RORA: variants seen among roughly 807,000 people sequenced by gnomAD.
RORA encodes nuclear receptor ROR-alpha.
Under a neutral mutation model 69.5 loss-of-function variants are expected in RORA, and 7 were observed. The observed-to-expected ratio is 0.10, with a 90% CI of 0.06 to 0.19. RORA has a LOEUF of 0.19. Ranked by LOEUF, RORA falls within the 10% of genes least tolerant of loss-of-function variation. RORA has a pLI of 1.00. For synonymous variants in RORA, 261 were observed against 240.8 expected, an observed-to-expected ratio of 1.08 and a Z score of -0.78; for missense variants, 457 against 663.0, an observed-to-expected ratio of 0.69 and a Z score of 3.41.
chr15:60,948,653 A>T (rs1184412576), intron 1 of RORA, among the ~76,000 whole-genome samples: 4 of 152,244 alleles, frequency 2.6e-5, no homozygotes, highest in Non-Finnish European at 5.9e-5. Context: ...TGAGGCTTAG[A>T]CAAGTTATGT....
chr15:60,521,076 T>C (rs903799734), intron 3 of RORA, among the ~76,000 whole-genome samples: 1 of 152,136 alleles, frequency 6.6e-6, no homozygotes, highest in Non-Finnish European at 1.5e-5. Flanking sequence ...AGTTGACATA[T>C]AGGTGATGCA....
At chr15:60,568,098 T>A (rs992530131) in intron 2 of RORA, among the ~76,000 whole-genome samples, 1 of 152,080 alleles carries the variant, frequency 6.6e-6, no homozygotes, top group Non-Finnish European at 1.5e-5. Flanking sequence ...TCCCTGGGGG[T>A]CAAAAGTGCC....
intron 1 of RORA, among the ~76,000 whole-genome samples, chr15:61,075,797 T>C (rs1163724093): frequency 1.3e-5 from 2 of 152,188 alleles, no homozygotes; most frequent in Non-Finnish European, 2.9e-5. Context: ...CAAGAATTAG[T>C]GCCCTTCCCT....
chr15:61,226,124 T>G lies in RORA; in HGVS notation c.166+2929A>C, dbSNP rs570628045. On this transcript the variant is annotated intron_variant, in intron 1 of 10. Transcript: ENST00000335670. The surrounding 1 kb of genome is among the most constrained non-coding windows in gnomAD (Gnocchi z 4.2). ...GGAGGAATTCAACAGTAGCCTCAAG[T>G]CTACCTAGGTAATGTCTCATGAGGT... is the stretch of plus-strand genomic sequence containing the variant. Among the ~76,000 whole-genome samples, 7 of 152,304 alleles carry G rather than the reference T, an allele frequency of 4.6e-5. No homozygotes were observed. In the East Asian group the frequency reaches 1.4e-3, roughly 29 times the overall value.
chr15:60,858,692 T>TACACAC (rs3053884), intron 1 of RORA, among the ~76,000 whole-genome samples: 35,913 of 142,656 alleles, frequency 0.25, 4,598 homozygotes, highest in African/African-American at 0.27. Flanking sequence ...AGAAAGAAAA[T>TACACAC]ACACACACAC....
In RORA at chr15:60,998,500, C is replaced by T. The variant is rs536884687; in HGVS notation, c.166+230553G>A. 7.2e-5 allele frequency among the ~76,000 whole-genome samples: 11 copies of T among 152,068 alleles called. No individual in the cohort carries two copies. The South Asian group carries it at 2.1e-3, about 29-fold the overall frequency. Reference sequence around the variant, plus strand: ...GCAACTTCTGCATCCCAGGTTCAAGCAATTCTCCTGCCTCAGCCTCCCAAG... The same window carrying T: ...GCAACTTCTGCATCCCAGGTTCAAGTAATTCTCCTGCCTCAGCCTCCCAAG... On this transcript the variant is annotated intron_variant, in intron 1 of 10. Coordinates refer to ENST00000335670, the MANE Select transcript of RORA (RefSeq NM_134261.3).
chr15:60,820,981 A>G (rs1275679723), intron 1 of RORA, among the ~76,000 whole-genome samples: 1 of 126,442 alleles, frequency 7.9e-6, no homozygotes, highest in African/African-American at 3.1e-5. Flanking sequence ...CAGCTCTGCA[A>G]TTCTATGCTT....
At chr15:60,678,481 T>C in intron 2 of RORA, 176 bp downstream of exon 2, 1 of 611,038 alleles carries the variant, frequency 1.6e-6, no homozygotes, top group Non-Finnish European at 2.9e-6. Flanking sequence ...ACACACTCAG[T>C]ACAAACAGGT....
At chr15:61,210,613 A>T (rs1209989964) in intron 1 of RORA, among the ~76,000 whole-genome samples, 2 of 152,224 alleles carry the variant, frequency 1.3e-5, no homozygotes, top group South Asian at 4.1e-4. Flanking sequence ...AAGTATGTCA[A>T]GGTGGGCTAA....
intron 1 of RORA, among the ~76,000 whole-genome samples, chr15:61,170,494 G>A (rs997876044): frequency 6.6e-6 from 1 of 152,140 alleles, no homozygotes; most frequent in Non-Finnish European, 1.5e-5. Flanking sequence ...GTTAATCCAG[G>A]ATCATCTCCC....
rs570003961 is a variant in RORA, at chr15:61,227,584, G to T, written c.166+1469C>A. ...CAGGGGGTGTGGCTAAGGTGGGGGGGGGGATACTGTAAAACAGCCAGCACA... is the reference window on the plus strand; with the variant it reads ...CAGGGGGTGTGGCTAAGGTGGGGGGTGGGATACTGTAAAACAGCCAGCACA... On this transcript the variant is annotated intron_variant, in intron 1 of 10. Coordinates refer to ENST00000335670, the MANE Select transcript of RORA (RefSeq NM_134261.3). Among the ~76,000 whole-genome samples the T allele has an allele frequency of 2.0e-5, 3 of 152,204 alleles. No individual in the cohort carries two copies. In the East Asian group the frequency reaches 5.8e-4, roughly 29 times the overall value.
intron 1 of RORA, among the ~76,000 whole-genome samples, chr15:60,703,793 T>C (rs1196531091): frequency 1.3e-5 from 2 of 151,892 alleles, no homozygotes; most frequent in Non-Finnish European, 2.9e-5. Flanking sequence ...GAGCAATATA[T>C]TGCCAGATAC....
chr15:60,580,709 C>T (rs2068167719), intron 2 of RORA, among the ~76,000 whole-genome samples: 1 of 152,196 alleles, frequency 6.6e-6, no homozygotes, highest in Non-Finnish European at 1.5e-5. Flanking sequence ...TCTGGGAGCT[C>T]CCCCTGAGGA....
rs2080146080 is a variant in RORA, at chr15:61,226,477, TA to T, written c.166+2575del. On this transcript the variant is annotated intron_variant, in intron 1 of 10. Coordinates refer to ENST00000335670, the MANE Select transcript of RORA (RefSeq NM_134261.3). The surrounding 1 kb of genome is among the most constrained non-coding windows in gnomAD (Gnocchi z 4.2). ...TGCCAGCTCCAATTTTCTTACTGCT[TA>T]CACTCTGGGAGCCGGCTTGCATATT... is the stretch of plus-strand genomic sequence containing the variant. 6.6e-6 allele frequency among the ~76,000 whole-genome samples: 1 copy of T among 152,234 alleles called. No individual in the cohort carries two copies. The highest frequency in any genetic ancestry group is 2.4e-5 in the African/African-American group (1 of 41,464).
rs147540194 is a variant in RORA, at chr15:60,570,319, G to A, written c.197-38468C>T. On this transcript the variant is annotated intron_variant, in intron 2 of 10. Transcript: ENST00000335670. ...TAAAACCATGGACAGTATTATTTTT[G>A]TTTTGTGTGGGTGTATGTGTTTGTT... Among the ~76,000 whole-genome samples, 599 of 152,118 alleles carry A rather than the reference G, an allele frequency of 3.9e-3. 4 individuals are homozygous for A. Among genetic ancestry groups the A allele is most frequent in the African/African-American group, 0.014 (565 of 41,492 alleles).
intron 2 of RORA, among the ~76,000 whole-genome samples, chr15:60,608,646 G>T (rs139194171): frequency 2.3e-4 from 35 of 152,270 alleles, no homozygotes; most frequent in African/African-American, 8.2e-4. Flanking sequence ...TTCCATGGTA[G>T]GACTTTGAAA....
chr15:60,498,459 C>T (rs773330794), intron 10 of RORA, among the ~76,000 whole-genome samples: 19 of 152,184 alleles, frequency 1.2e-4, no homozygotes, highest in Non-Finnish European at 2.8e-4. Flanking sequence ...TGTAATAAAG[C>T]AATGCTGGGT....
chr15:60,912,754 AAAAC>A (rs66522866), intron 1 of RORA, among the ~76,000 whole-genome samples: 146,589 of 151,300 alleles, frequency 0.97, 71,177 homozygotes, highest in East Asian at 1. Context: ...ACTCCATCTC[AAAAC>A]AAACAAACAA....
intron 1 of RORA, among the ~76,000 whole-genome samples, chr15:61,014,712 T>C (rs1190710246): frequency 6.6e-6 from 1 of 152,186 alleles, no homozygotes; most frequent in East Asian, 1.9e-4. Context: ...TGTAACTATC[T>C]AAGCCTTAAG....
Sources: gnomAD v4.1 joint callset for allele counts (sites outside exome capture counted in the v4.1 genomes callset) on GRCh38, gnomAD v4.1.1 for gene constraint, Gnocchi (gnomAD v3.1) non-coding constraint, MANE v1.5 for transcripts, NCBI Gene and HGNC (gene_info 2026-07-23, HGNC 2026-07-21) for gene names.